STON1: variants seen among roughly 807,000 people sequenced by gnomAD.
STON1 encodes stonin 1.
A neutral mutation model predicts 60.9 loss-of-function variants in STON1; 79 were observed. That is an observed-to-expected ratio of 1.30 (90% CI 1.08 to 1.56). The LOEUF (loss-of-function observed/expected upper bound fraction) is 1.56. Among genes scored for constraint, STON1 ranks in the 40% most tolerant of loss-of-function variants. The pLI is 0.00. For synonymous variants in STON1, 363 were observed against 306.9 expected, an observed-to-expected ratio of 1.18 and a Z score of -1.91; for missense variants, 1,166 against 858.9, an observed-to-expected ratio of 1.36 and a Z score of -4.47.
At chr2:48,561,654 C>A (rs1447268164) in intron 1 of STON1, among the ~76,000 whole-genome samples, 1 of 152,168 alleles carries the variant, frequency 6.6e-6, no homozygotes, top group Non-Finnish European at 1.5e-5. Context: ...TTACTAGACG[C>A]TAGTAGCATT....
At chr2:48,564,763 C>T (rs1158885205) in intron 1 of STON1, among the ~76,000 whole-genome samples, 1 of 123,848 alleles carries the variant, frequency 8.1e-6, no homozygotes, top group Non-Finnish European at 1.6e-5. Flanking sequence ...GATGGAGTCT[C>T]ACTCTGTCAC....
chr2:48,571,331 T>A (rs1211269588), intron 1 of STON1, among the ~76,000 whole-genome samples: 2 of 152,166 alleles, frequency 1.3e-5, no homozygotes, highest in Non-Finnish European at 2.9e-5. Flanking sequence ...GCTGGGGACT[T>A]GGTGCCAGGA....
In STON1 at chr2:48,549,806, ATC is replaced by A. The variant is rs199510394; in HGVS notation, c.-48+19593_-48+19594del. On this transcript the variant is annotated intron_variant, in intron 1 of 3. Transcript: ENST00000404752. ...CCAGCCCGGACGACAGAGTGACTCCATCTCAAAAAAAAAAAAAAAAAAAAAAA... is the reference window on the plus strand; with the variant it reads ...CCAGCCCGGACGACAGAGTGACTCCATCAAAAAAAAAAAAAAAAAAAAAAA... Among the ~76,000 whole-genome samples the A allele has an allele frequency of 7.4e-3, 738 of 99,798 alleles. 13 individuals carry two copies. Among genetic ancestry groups the A allele is most frequent in the East Asian group, 0.012 (44 of 3,698 alleles). 65.5% of individuals were successfully genotyped at this position (99,798 alleles called of 152,430 possible). A position where few individuals can be genotyped will look rare whatever the true frequency, so the allele number is the denominator to read the frequency against.
chr2:48,564,476 CTTCTT>C (rs1672781716), intron 1 of STON1, among the ~76,000 whole-genome samples: 2 of 50,358 alleles, frequency 4.0e-5, no homozygotes, highest in African/African-American at 1.5e-4. Context: ...TCTTCTTCTT[CTTCTT>C]TCTTCTTCTT....
At chr2:48,554,872 G>A (rs1449460709) in intron 1 of STON1, among the ~76,000 whole-genome samples, 1 of 73,638 alleles carries the variant, frequency 1.4e-5, no homozygotes, top group Non-Finnish European at 2.7e-5. Flanking sequence ...AGGACCCTGC[G>A]GCCTTCCGCA....
intron 3 of STON1, among the ~76,000 whole-genome samples, chr2:48,593,148 C>T (rs1386577209): frequency 2.0e-5 from 3 of 152,130 alleles, no homozygotes; most frequent in Non-Finnish European, 2.9e-5. Flanking sequence ...CAGAGTCTTG[C>T]TCTGTTGCCC....
Position 48,598,491 on chromosome 2 carries a change from A to C in STON1, c.*3189A>C, listed in dbSNP as rs1674881936. On this transcript the variant is annotated 3_prime_UTR_variant, in exon 4 of 4. Transcript: ENST00000404752. ...GTAGATTACATATTGATTTTTCAAA[A>C]ATTAAAAATGTATTTCAAACTATTC... The C allele has an allele frequency of 6.6e-6, 1 of 152,652 alleles. No homozygotes were observed. Among genetic ancestry groups the C allele is most frequent in the Admixed American group, 6.5e-5 (1 of 15,282 alleles). The allele number at this position is 152,652 out of a possible 1,614,324, so 9.5% of individuals were successfully genotyped here.
chr2:48,580,093 A>G (rs756803636), intron 1 of STON1, among the ~76,000 whole-genome samples: 6 of 152,030 alleles, frequency 3.9e-5, no homozygotes, highest in Non-Finnish European at 8.8e-5. Context: ...TTTTTTGTAG[A>G]GACAGGGTTT....
intron 3 of STON1, among the ~76,000 whole-genome samples, 160 bp from the exon 4 acceptor site, chr2:48,595,068 C>T (rs561266346): frequency 4.6e-5 from 7 of 152,190 alleles, no homozygotes; most frequent in South Asian, 2.1e-4. Flanking sequence ...GAGAGCAGAG[C>T]GCCTCACTTG....
At chr2:48,546,291 C>T (rs913744835) in intron 1 of STON1, among the ~76,000 whole-genome samples, 2 of 152,226 alleles carry the variant, frequency 1.3e-5, no homozygotes, top group Non-Finnish European at 2.9e-5. Flanking sequence ...GTAGTTCTCT[C>T]CCTGTGTCAC....
chr2:48,550,062 C>A (rs1333219697), intron 1 of STON1, among the ~76,000 whole-genome samples: 1 of 151,872 alleles, frequency 6.6e-6, no homozygotes, highest in Non-Finnish European at 1.5e-5. Flanking sequence ...CTTCTGGGAT[C>A]TAGTAGATGC....
intron 1 of STON1, among the ~76,000 whole-genome samples, chr2:48,564,490 TTC>T (rs1162745144): frequency 3.7e-3 from 80 of 21,520 alleles, no homozygotes; most frequent in African/African-American, 0.012. Context: ...TTTCTTCTTC[TTC>T]TTCTTCTTCT....
intron 2 of STON1, among the ~76,000 whole-genome samples, chr2:48,584,045 G>A (rs1027021146): frequency 6.6e-6 from 1 of 151,988 alleles, no homozygotes; most frequent in African/African-American, 2.4e-5. Context: ...CACTGTGCCC[G>A]GCCCATCCAT....
At chr2:48,568,715 T>G (rs1673054237) in intron 1 of STON1, among the ~76,000 whole-genome samples, 1 of 152,162 alleles carries the variant, frequency 6.6e-6, no homozygotes, top group African/African-American at 2.4e-5. Context: ...TGAAAGCCAT[T>G]CTCAGAAATG....
In STON1 at chr2:48,582,077, A is replaced by C; in HGVS notation, c.1444A>C (p.Ile482Leu). Reference sequence around the variant, plus strand: ...GGACTCAGAAAAAAAGGGGATTGATATTCTTGACTACCATTTTCATAAGTG... The same window carrying C: ...GGACTCAGAAAAAAAGGGGATTGATCTTCTTGACTACCATTTTCATAAGTG... ...EKDSEKKGID[I>L]LDYHFHKCVN... The change falls in exon 2 of 4, where the codon ATT becomes CTT. Residue 482 changes from isoleucine (I) to leucine (L), a missense_variant. Ile to Leu is a conservative substitution (Grantham distance 5). Transcript: ENST00000404752. The C allele has an allele frequency of 6.2e-7, 1 of 1,614,210 alleles. No homozygotes were observed. The highest frequency in any genetic ancestry group is 1.1e-5 in the South Asian group (1 of 91,072).
chr2:48,552,708 T>G (rs1362609868), intron 1 of STON1, among the ~76,000 whole-genome samples: 2 of 152,156 alleles, frequency 1.3e-5, no homozygotes, highest in African/African-American at 4.8e-5. Context: ...AGGCAGAGGT[T>G]GCAGTGAGCT....
intron 3 of STON1, 34 bp from the exon 4 acceptor site, chr2:48,595,194 T>C: frequency 3.9e-6 from 6 of 1,555,984 alleles, no homozygotes; most frequent in Non-Finnish European, 5.3e-6. Context: ...GTTGCATTTG[T>C]TAATGCTGCC....
rs115119927 is a variant in STON1, at chr2:48,563,120, G to A, written c.-47-17467G>A. On this transcript the variant is annotated intron_variant, in intron 1 of 3. Coordinates refer to ENST00000404752, the MANE Select transcript of STON1 (RefSeq NM_006873.4). Reference sequence around the variant, plus strand: ...GACAGACTGTGGCCCCATGGCCCTAGGCAGAGTGCACACTGGGCATCCTGC... The same window carrying A: ...GACAGACTGTGGCCCCATGGCCCTAAGCAGAGTGCACACTGGGCATCCTGC... Among the ~76,000 whole-genome samples the A allele has an allele frequency of 3.5e-3, 538 of 152,326 alleles. 3 individuals carry two copies. Among genetic ancestry groups the A allele is most frequent in the African/African-American group, 0.012 (501 of 41,572 alleles).
At position 48,580,776 on chromosome 2, in the gene STON1, G is replaced by C; in HGVS notation, c.143G>C (p.Arg48Thr). 6.4e-7 allele frequency: 1 copy of C among 1,557,094 alleles called. No homozygotes were observed. The highest frequency in any genetic ancestry group is 8.7e-7 in the Non-Finnish European group (1 of 1,152,840). Residue 48 changes from arginine to threonine, a missense_variant, in exon 2 of 4, where the codon AGG (arginine) becomes ACG (threonine). Coordinates refer to ENST00000404752, the MANE Select transcript of STON1 (RefSeq NM_006873.4). ...CTGAAGCTGAACCTTCCTGGCCTCA[G>C]GGAATTTCCCAGTGGATCTTCCTCC... ...NGLKLNLPGLREFPSGSSSTS... is the reference protein window; with the variant it reads ...NGLKLNLPGLTEFPSGSSSTS...
Sources: allele counts gnomAD v4.1 joint callset (sites outside exome capture counted in the v4.1 genomes callset), GRCh38; gene constraint gnomAD v4.1.1; transcripts MANE v1.5; gene names NCBI Gene and HGNC (gene_info 2026-07-23, HGNC 2026-07-21).